Variants in SRPK2 observed in about 807,000 individuals in gnomAD.
The protein encoded by SRPK2 is SRSF protein kinase 2, also known as SFRS protein kinase 2.
In SRPK2, 21 loss-of-function variants were observed where a neutral mutation model predicts 90.8. The observed-to-expected ratio is 0.23, with a 90% CI of 0.16 to 0.33. SRPK2 has a LOEUF of 0.33. Ranked by LOEUF, SRPK2 falls within the 10% of genes least tolerant of loss-of-function variation. The pLI, the probability that SRPK2 is intolerant of heterozygous loss-of-function variation, is 1.00. For missense variants in SRPK2, 620 were observed against 869.0 expected, an observed-to-expected ratio of 0.71 and a Z score of 3.60; for synonymous variants, 288 against 311.1, an observed-to-expected ratio of 0.93 and a Z score of 0.78.
At chr7:105,124,827 A>G (rs1800937963) in intron 15 of SRPK2, among the ~76,000 whole-genome samples, 1 of 151,374 alleles carries the variant, frequency 6.6e-6, no homozygotes, top group Admixed American at 6.6e-5. Context: ...GACCAACTAC[A>G]CTCATCACAA....
rs752473210 is a variant in SRPK2 at position 105,143,160 on chromosome 7, G to C, written c.984C>G (p.Gly328=). 3 of 1,614,004 alleles carry C rather than the reference G, an allele frequency of 1.9e-6. No individual in the cohort carries two copies. The East Asian group carries it at 6.7e-5, about 36-fold the overall frequency. Residue 328 remains glycine (G), a synonymous_variant, in exon 10 of 16, where the codon GGC becomes GGG. Coordinates refer to ENST00000393651, the MANE Select transcript of SRPK2 (RefSeq NM_182692.3). The part of the protein sequence containing the change: ...TSAAPSNDQD[G]EYCPEVKLKT... ...TTAGTTTCACCTCTGGGCAGTATTC[G>C]CCATCCTGGTCATTGGAAGGTGCAG... is the stretch of plus-strand genomic sequence containing the variant.
At chr7:105,244,041 G>A (rs1024328212) in intron 2 of SRPK2, among the ~76,000 whole-genome samples, 4 of 152,162 alleles carry the variant, frequency 2.6e-5, no homozygotes, top group African/African-American at 9.7e-5. Context: ...TAGAAGGAAA[G>A]AGCTGCCATA....
intron 2 of SRPK2, among the ~76,000 whole-genome samples, chr7:105,325,638 G>A (rs757046302): frequency 2.0e-5 from 3 of 149,916 alleles, no homozygotes; most frequent in South Asian, 2.1e-4. Flanking sequence ...CAGGAGGATC[G>A]CTCCAGCCCA....
chr7:105,218,621 T>C (rs1046015512), intron 2 of SRPK2, among the ~76,000 whole-genome samples: 2 of 152,238 alleles, frequency 1.3e-5, no homozygotes, highest in South Asian at 2.1e-4. Context: ...CCTCCACTTA[T>C]AATAAATGAT....
At chr7:105,355,557 G>C (rs1365980008) in intron 2 of SRPK2, among the ~76,000 whole-genome samples, 1 of 152,100 alleles carries the variant, frequency 6.6e-6, no homozygotes, top group Non-Finnish European at 1.5e-5. Context: ...AGAAGGCTGT[G>C]GTGGGAGGAC....
chr7:105,351,494 AAATAAT>A (rs151317011), intron 2 of SRPK2, among the ~76,000 whole-genome samples: 27,000 of 150,488 alleles, frequency 0.18, 3,051 homozygotes, highest in East Asian at 0.58. Context: ...TCCGTCTCAA[AAATAAT>A]AATAATAATA....
chr7:105,303,000 G>C (rs1402240537), intron 2 of SRPK2, among the ~76,000 whole-genome samples: 1 of 152,072 alleles, frequency 6.6e-6, no homozygotes, highest in African/African-American at 2.4e-5. Flanking sequence ...CATGAACCCA[G>C]GAGGCGGAGC....
At chr7:105,382,323 C>T (rs535590598) in intron 2 of SRPK2, among the ~76,000 whole-genome samples, 1 of 152,026 alleles carries the variant, frequency 6.6e-6, no homozygotes, top group South Asian at 2.1e-4. Context: ...GATGCCAAGG[C>T]GGGTGGATCA....
chr7:105,176,081 C>T (rs1184467513), intron 3 of SRPK2, among the ~76,000 whole-genome samples: 2 of 152,086 alleles, frequency 1.3e-5, no homozygotes, highest in Non-Finnish European at 2.9e-5. Context: ...TCCAGACAAA[C>T]GTTCAACAAA....
At chr7:105,288,565 G>C (rs142374690) in intron 2 of SRPK2, among the ~76,000 whole-genome samples, 2 of 152,122 alleles carry the variant, frequency 1.3e-5, no homozygotes, top group Non-Finnish European at 2.9e-5. Flanking sequence ...TTGCACTCCA[G>C]CCCGAGCGAC....
intron 3 of SRPK2, among the ~76,000 whole-genome samples, chr7:105,201,347 A>C (rs1795528371): frequency 6.6e-6 from 1 of 152,142 alleles, no homozygotes; most frequent in Non-Finnish European, 1.5e-5. Flanking sequence ...TAATGACCTT[A>C]CTGATGCTGA....
intron 2 of SRPK2, among the ~76,000 whole-genome samples, chr7:105,214,573 T>C (rs572872230): frequency 2.6e-5 from 4 of 152,216 alleles, no homozygotes; most frequent in African/African-American, 9.6e-5. Context: ...GGCACAACCA[T>C]ACAAAACTCT....
intron 15 of SRPK2, among the ~76,000 whole-genome samples, chr7:105,124,540 T>C (rs1453381234): frequency 2.0e-5 from 3 of 147,144 alleles, no homozygotes; most frequent in African/African-American, 7.5e-5. Flanking sequence ...TCTTGTGAAG[T>C]TGAGGCAGGA....
intron 2 of SRPK2, among the ~76,000 whole-genome samples, chr7:105,278,229 T>C (rs1251562064): frequency 4.7e-5 from 7 of 149,466 alleles, no homozygotes; most frequent in Non-Finnish European, 1.0e-4. Flanking sequence ...GGCAGGAGAA[T>C]AGCTTGAACC....
chr7:105,230,666 T>C (rs1585266304), intron 2 of SRPK2, among the ~76,000 whole-genome samples: 1 of 152,208 alleles, frequency 6.6e-6, no homozygotes, highest in Non-Finnish European at 1.5e-5. Context: ...GATAAAGGAA[T>C]GCTGAAATGG....
chr7:105,266,760 C>T (rs1330645144), intron 2 of SRPK2, among the ~76,000 whole-genome samples: 4 of 151,998 alleles, frequency 2.6e-5, no homozygotes, highest in Admixed American at 1.3e-4. Context: ...AATTCCTGGA[C>T]AGGATATAGT....
At chr7:105,390,992 A>C (rs889710771), upstream of SRPK2, among the ~76,000 whole-genome samples, 1 of 152,124 alleles carries the variant, frequency 6.6e-6, no homozygotes, top group East Asian at 1.9e-4. Context: ...TCCAAGATAC[A>C]GGTACCTTTT....
intron 11 of SRPK2, among the ~76,000 whole-genome samples, chr7:105,138,748 G>A (rs527881975): frequency 1.9e-4 from 29 of 152,276 alleles, no homozygotes; most frequent in South Asian, 1.0e-3. Context: ...GCAGTGAACC[G>A]AGATCACGCC....
intron 2 of SRPK2, among the ~76,000 whole-genome samples, chr7:105,236,951 A>G (rs1563125750): frequency 6.6e-6 from 1 of 152,260 alleles, no homozygotes; most frequent in Non-Finnish European, 1.5e-5. Flanking sequence ...ATGTGACATA[A>G]CATCTCCAAA....
Sources: allele counts gnomAD v4.1 joint callset (sites outside exome capture counted in the v4.1 genomes callset), GRCh38; gene constraint gnomAD v4.1.1; transcripts MANE v1.5; gene names NCBI Gene and HGNC (gene_info 2026-07-23, HGNC 2026-07-21).